SMNDC1: variants seen among roughly 807,000 people sequenced by gnomAD.
SMNDC1 encodes the protein survival motor neuron domain containing 1, also known as survival of motor neuron-related-splicing factor 30.
Under a neutral mutation model 29.2 loss-of-function variants are expected in SMNDC1, and 5 were observed. The ratio of observed to expected loss-of-function variants is 0.17; its 90% CI spans 0.09 to 0.36. SMNDC1 has a LOEUF of 0.36. SMNDC1 is among the 10% of genes least tolerant of loss of function. SMNDC1 has a pLI of 1.00. For missense variants in SMNDC1, 142 were observed against 268.5 expected, an observed-to-expected ratio of 0.53 and a Z score of 3.29; for synonymous variants, 80 against 89.9, an observed-to-expected ratio of 0.89 and a Z score of 0.62.
At chr10:110,299,269 T>C (rs1464299428) in intron 2 of SMNDC1, among the ~76,000 whole-genome samples, 4 of 152,224 alleles carry the variant, frequency 2.6e-5, no homozygotes, top group African/African-American at 9.6e-5. Flanking sequence ...ATGTTCCTAC[T>C]TATACATATC....
rs913893597 is a variant in SMNDC1 at position 110,292,277 on chromosome 10, T to C, written c.*1873A>G. 7 of 56,712 alleles carry C rather than the reference T, an allele frequency of 1.2e-4. No individual in the cohort carries two copies. Among genetic ancestry groups the C allele is most frequent in the African/African-American group, 5.9e-4 (7 of 11,766 alleles). 3.5% of individuals were successfully genotyped at this position (56,712 alleles called of 1,614,324 possible). On this transcript the variant is annotated 3_prime_UTR_variant, in exon 6 of 6. Transcript: ENST00000369603. ...CTGATTTCATTCTAAAGGTCTATTTTCAAAACATTTTTTTTTAAGGTCACT... is the reference window on the plus strand; with the variant it reads ...CTGATTTCATTCTAAAGGTCTATTTCCAAAACATTTTTTTTTAAGGTCACT...
chr10:110,301,639 A>C (rs1047502587), intron 2 of SMNDC1, among the ~76,000 whole-genome samples: 4 of 152,210 alleles, frequency 2.6e-5, no homozygotes, highest in Non-Finnish European at 5.9e-5. Flanking sequence ...TATCCAACCA[A>C]ATGTGGCTAG....
chr10:110,295,638 CTTTT>C (rs34495271), intron 4 of SMNDC1, among the ~76,000 whole-genome samples: 2 of 142,218 alleles, frequency 1.4e-5, no homozygotes, highest in African/African-American at 2.6e-5. Context: ...TCAACTATGC[CTTTT>C]TTTTTTTTTT....
At position 110,299,618 on chromosome 10, in the gene SMNDC1, T is replaced by C. The variant is rs530558177; in HGVS notation, c.121-828A>G. On this transcript the variant is annotated intron_variant, in intron 2 of 5. Coordinates refer to ENST00000369603, the MANE Select transcript of SMNDC1 (RefSeq NM_005871.4). ...TACTATATTGTTACTCTAATGAAGA[T>C]CCACACTATGCATCTTATCTGATCT... 9.3e-4 allele frequency among the ~76,000 whole-genome samples: 141 copies of C among 152,362 alleles called. 2 individuals carry two copies. The highest frequency in any genetic ancestry group is 3.2e-3 in the African/African-American group (135 of 41,590).
chr10:110,295,468 AT>A, intron 4 of SMNDC1, 87 bp from the exon 5 acceptor site: 1 of 991,258 alleles, frequency 1.0e-6, no homozygotes, highest in East Asian at 2.8e-5. Flanking sequence ...CAAAAAAAAA[AT>A]CTAATAAACA....
intron 5 of SMNDC1, 25 bp from the exon 6 acceptor site, chr10:110,294,312 T>C (rs778070348): frequency 2.6e-6 from 4 of 1,553,022 alleles, no homozygotes; most frequent in Admixed American, 2.2e-5. Context: ...ACAGAAATCA[T>C]TCCTGATTAG....
At chr10:110,298,188 C>G (rs999253520) in intron 3 of SMNDC1, among the ~76,000 whole-genome samples, 1 of 151,980 alleles carries the variant, frequency 6.6e-6, no homozygotes, top group East Asian at 1.9e-4. Context: ...GGGGTTTCAC[C>G]ATGTTGGTCA....
Position 110,302,050 on chromosome 10 carries a change from T to C in SMNDC1, c.120+1418A>G, listed in dbSNP as rs1480630337. Reference sequence around the variant, plus strand: ...TACAAAACATTGGCACCCAGTGTTTTCTTTTCCTAAAAAAGGACTGCTTAA... The same window carrying C: ...TACAAAACATTGGCACCCAGTGTTTCCTTTTCCTAAAAAAGGACTGCTTAA... On this transcript the variant is annotated intron_variant, in intron 2 of 5. Coordinates refer to ENST00000369603, the MANE Select transcript of SMNDC1 (RefSeq NM_005871.4). Among the ~76,000 whole-genome samples the C allele has an allele frequency of 2.6e-5, 4 of 152,336 alleles. No individual in the cohort carries two copies. In the East Asian group the frequency reaches 5.8e-4, roughly 22 times the overall value.
chr10:110,304,679 C>A (rs1054148437), intron 1 of SMNDC1, 69 bp downstream of exon 1: 2 of 152,356 alleles, frequency 1.3e-5, no homozygotes, highest in African/African-American at 4.8e-5. Flanking sequence ...CAGCCTTGGG[C>A]CTCCGCTTCA....
In SMNDC1 at chr10:110,299,573, G is replaced by A. The variant is rs2043044909; in HGVS notation, c.121-783C>T. 2.0e-5 allele frequency among the ~76,000 whole-genome samples: 3 copies of A among 152,118 alleles called. No homozygotes were observed. The South Asian group carries it at 6.2e-4, about 32-fold the overall frequency. ...TAAAAAATTGAGAACAGTACAAGCC[G>A]ACAGATTCTGCTACCTGTCTACTAT... is the stretch of plus-strand genomic sequence containing the variant. On this transcript the variant is annotated intron_variant, in intron 2 of 5. Coordinates refer to ENST00000369603, the MANE Select transcript of SMNDC1 (RefSeq NM_005871.4).
chr10:110,300,237 T>C (rs985473259), intron 2 of SMNDC1, among the ~76,000 whole-genome samples: 10 of 152,222 alleles, frequency 6.6e-5, no homozygotes, highest in African/African-American at 1.7e-4. Flanking sequence ...GTTTCAGATT[T>C]AGAACTCTAT....
intron 5 of SMNDC1, among the ~76,000 whole-genome samples, chr10:110,294,884 A>T (rs1221939128): frequency 6.6e-6 from 1 of 152,248 alleles, no homozygotes; most frequent in Non-Finnish European, 1.5e-5. Flanking sequence ...ACTTTTAAAT[A>T]AAATCTACCA....
Position 110,293,057 on chromosome 10 carries a change from C to CT in SMNDC1, c.*1092dup, listed in dbSNP as rs1369309660. 1.3e-5 allele frequency: 2 copies of CT among 152,156 alleles called. No individual in the cohort carries two copies. Among genetic ancestry groups the CT allele is most frequent in the Non-Finnish European group, 2.9e-5 (2 of 68,008 alleles). 9.4% of individuals were successfully genotyped at this position (152,156 alleles called of 1,614,324 possible). On this transcript the variant is annotated 3_prime_UTR_variant, in exon 6 of 6. Coordinates refer to ENST00000369603, the MANE Select transcript of SMNDC1 (RefSeq NM_005871.4). ...ACACACCCTGGAGATTTTAAAAACA[C>CT]TTTATTTAATAAAAGTTAAACATAC... is the stretch of plus-strand genomic sequence containing the variant.
chr10:110,297,971 T>C (rs1263576133), intron 3 of SMNDC1, among the ~76,000 whole-genome samples: 1 of 152,190 alleles, frequency 6.6e-6, no homozygotes, highest in Non-Finnish European at 1.5e-5. Flanking sequence ...CGTGATTTAA[T>C]GTCTTTGAGA....
At chr10:110,298,941 C>T in intron 2 of SMNDC1, 151 bp from the exon 3 acceptor site, 3 of 567,486 alleles carry the variant, frequency 5.3e-6, no homozygotes, top group South Asian at 2.7e-5. Flanking sequence ...TGTGATTATC[C>T]CCATGTAGAA....
chr10:110,297,659 A>G lies in SMNDC1; in HGVS notation c.333T>C (p.Tyr111=). The G allele has an allele frequency of 6.2e-7, 1 of 1,614,042 alleles. No homozygotes were observed. The highest frequency in any genetic ancestry group is 1.1e-5 in the South Asian group (1 of 91,078). Residue 111 remains tyrosine (Y), a synonymous_variant, in exon 4 of 6, where the codon TAT becomes TAC. Transcript: ENST00000369603. The part of the protein sequence containing the change: ...NGTAAITFAG[Y]GNAEVTPLLN... ...ACAGTGGAGTCACTTCAGCATTGCC[A>G]TAACCAGCAAAGGTGATTGCAGCGG...
intron 4 of SMNDC1, among the ~76,000 whole-genome samples, chr10:110,295,634 A>G (rs1423011473): frequency 2.2e-5 from 3 of 134,210 alleles, no homozygotes; most frequent in Admixed American, 8.9e-5. Context: ...TATTTCAACT[A>G]TGCCTTTTTT....
At chr10:110,302,853 G>A (rs1857674587) in intron 2 of SMNDC1, among the ~76,000 whole-genome samples, 2 of 152,266 alleles carry the variant, frequency 1.3e-5, no homozygotes, top group East Asian at 1.9e-4. Flanking sequence ...ACTCTACCAT[G>A]ACAAAGATCT....
chr10:110,301,419 T>C (rs1229879492), intron 2 of SMNDC1, among the ~76,000 whole-genome samples: 1 of 152,240 alleles, frequency 6.6e-6, no homozygotes, highest in Non-Finnish European at 1.5e-5. Context: ...AAAATAGACC[T>C]TATCTAGGGA....
Sources: allele counts gnomAD v4.1 joint callset (sites outside exome capture counted in the v4.1 genomes callset), GRCh38; gene constraint gnomAD v4.1.1; transcripts MANE v1.5; gene names NCBI Gene and HGNC (gene_info 2026-07-23, HGNC 2026-07-21).